The following KAZN variants were observed in gnomAD, a reference collection of about 807,000 sequenced individuals.
The protein encoded by KAZN is kazrin, periplakin interacting protein.
Under a neutral mutation model 87.4 loss-of-function variants are expected in KAZN, and 40 were observed. That is an observed-to-expected ratio of 0.46 (90% CI 0.36 to 0.60). The LOEUF (loss-of-function observed/expected upper bound fraction) is 0.60. Among genes scored for constraint, KAZN ranks in the 20% least tolerant of loss-of-function variants. The pLI is 0.00. For missense variants in KAZN, 898 were observed against 1,073.9 expected (o/e 0.84, Z 2.29); for synonymous variants, 466 against 458.3 (o/e 1.02, Z -0.22).
intron 1 of KAZN, among the ~76,000 whole-genome samples, chr1:14,752,992 A>G (rs1334289150): frequency 2.0e-5 from 3 of 152,180 alleles, no homozygotes; most frequent in Non-Finnish European, 4.4e-5. Flanking sequence ...ATCTCAATGC[A>G]CTTTGTAGAA....
chr1:14,523,752 A>G (rs144038172), intron 2 of KAZN, among the ~76,000 whole-genome samples: 8 of 152,352 alleles, frequency 5.3e-5, no homozygotes, highest in African/African-American at 1.9e-4. Flanking sequence ...CCGATGGTAC[A>G]TGAAGCTAAT....
rs947635247 is a variant in KAZN, at chr1:14,995,755, G to A, written c.418+34880G>A. Among the ~76,000 whole-genome samples, 9 of 152,170 alleles carry A rather than the reference G, an allele frequency of 5.9e-5. No homozygotes were observed. In the East Asian group the frequency reaches 7.7e-4, roughly 13 times the overall value. On this transcript the variant is annotated intron_variant, in intron 2 of 14. Coordinates refer to ENST00000376030, the MANE Select transcript of KAZN (RefSeq NM_201628.3). ...TGGACTCTTCCAAAATGCCCCTTTC[G>A]GGAAGCTCTCTCCTGCCCAGCCCAG...
intron 1 of KAZN, among the ~76,000 whole-genome samples, chr1:14,880,418 G>A (rs142496378): frequency 2.6e-5 from 4 of 152,324 alleles, no homozygotes; most frequent in African/African-American, 9.6e-5. Flanking sequence ...AGGTACCGCA[G>A]TGGCTTAATA....
intron 3 of KAZN, among the ~76,000 whole-genome samples, chr1:15,043,302 C>T (rs750513528): frequency 6.6e-6 from 1 of 152,212 alleles, no homozygotes; most frequent in African/African-American, 2.4e-5. Context: ...CCCAGAACAA[C>T]TATTGCACCC....
intron 5 of KAZN, among the ~76,000 whole-genome samples, chr1:15,058,172 A>G (rs961705592): frequency 1.3e-5 from 2 of 152,232 alleles, no homozygotes; most frequent in Non-Finnish European, 1.5e-5. Context: ...CCATCTGTCC[A>G]GTGCCTGGCA....
rs991098135 is a variant in KAZN, at chr1:15,021,556, A to C, written c.419-13193A>C. Among the ~76,000 whole-genome samples the C allele has an allele frequency of 7.9e-5, 12 of 152,112 alleles. No homozygotes were observed. The highest frequency in any genetic ancestry group is 2.9e-4 in the African/African-American group (12 of 41,424). ...CTGTCTCCCTCGGGGAGGAGCAGGCAGTGGGGGCCTGCTTCCCGGGGCCCT... is the reference window on the plus strand; with the variant it reads ...CTGTCTCCCTCGGGGAGGAGCAGGCCGTGGGGGCCTGCTTCCCGGGGCCCT... On this transcript the variant is annotated intron_variant, in intron 2 of 14. Coordinates refer to ENST00000376030, the MANE Select transcript of KAZN (RefSeq NM_201628.3). The surrounding 1 kb of genome is among the most constrained non-coding windows in gnomAD (Gnocchi z 4.2).
chr1:14,941,589 T>A (rs895051569), intron 1 of KAZN, among the ~76,000 whole-genome samples: 64 of 152,244 alleles, frequency 4.2e-4, no homozygotes, highest in Non-Finnish European at 7.2e-4. Context: ...CGGTTTTTTT[T>A]ACCCTGCTTC....
chr1:14,049,339 A>G (rs1642211813), intron 1 of KAZN, among the ~76,000 whole-genome samples: 1 of 152,146 alleles, frequency 6.6e-6, no homozygotes, highest in African/African-American at 2.4e-5. Context: ...GCGGGGAGGG[A>G]TAGCATTAGG....
chr1:14,776,933 C>CA (rs56275592), intron 1 of KAZN, among the ~76,000 whole-genome samples: 9,534 of 112,790 alleles, frequency 0.085, 498 homozygotes, highest in African/African-American at 0.16. Flanking sequence ...TACCCTGTCT[C>CA]AAAAAAAAAA....
intron 1 of KAZN, among the ~76,000 whole-genome samples, chr1:14,853,884 C>T (rs138227829): frequency 1.1e-3 from 173 of 152,250 alleles, no homozygotes; most frequent in African/African-American, 4.0e-3. Context: ...CTGTGGACCA[C>T]CCTTGGGCAA....
chr1:14,212,181 G>T (rs1052060681), intron 2 of KAZN, among the ~76,000 whole-genome samples: 2 of 152,054 alleles, frequency 1.3e-5, no homozygotes, highest in African/African-American at 4.8e-5. Flanking sequence ...CCAGTGCCTG[G>T]CACGGGTTAT....
At chr1:14,822,033 CTGTT>C (rs931122707) in intron 1 of KAZN, among the ~76,000 whole-genome samples, 6 of 152,164 alleles carry the variant, frequency 3.9e-5, no homozygotes, top group African/African-American at 1.2e-4. Context: ...AAGAAAGCCT[CTGTT>C]TGTTTGTTTG....
chr1:14,903,984 G>C (rs1475411834), intron 1 of KAZN, among the ~76,000 whole-genome samples: 1 of 152,158 alleles, frequency 6.6e-6, no homozygotes, highest in Non-Finnish European at 1.5e-5. Flanking sequence ...ATCTCCCCTT[G>C]CTTCCAGTGC....
intron 2 of KAZN, among the ~76,000 whole-genome samples, chr1:15,011,014 A>C (rs1401206418): frequency 1.3e-5 from 2 of 152,240 alleles, no homozygotes; most frequent in African/African-American, 4.8e-5. Flanking sequence ...TTCATGCTTA[A>C]ATAGGCTCAA....
In KAZN at chr1:14,294,914, T is replaced by C. The variant is rs372662204; in HGVS notation, c.249+114322T>C. 4.2e-3 allele frequency among the ~76,000 whole-genome samples: 636 copies of C among 151,376 alleles called. 4 individuals are homozygous for C. The highest frequency in any genetic ancestry group is 0.014 in the African/African-American group (573 of 41,256). On this transcript the variant is annotated intron_variant, in intron 2 of 16. Coordinates refer to the KAZN transcript ENST00000636203. ...CTCATTCAGATCTTTTTTTTTTTTT[T>C]CAGCAGCTATGGACACAGAGGTCCC...
At chr1:14,799,875 C>T (rs1645953052) in intron 1 of KAZN, among the ~76,000 whole-genome samples, 2 of 152,140 alleles carry the variant, frequency 1.3e-5, no homozygotes, top group Non-Finnish European at 2.9e-5. Context: ...AATTCCTCTC[C>T]TTGAGTTCAT....
At chr1:14,526,244 C>T (rs1671857903) in intron 2 of KAZN, among the ~76,000 whole-genome samples, 1 of 152,134 alleles carries the variant, frequency 6.6e-6, no homozygotes, top group Non-Finnish European at 1.5e-5. Context: ...ATTTTTGCCT[C>T]TACATAAGAG....
intron 1 of KAZN, among the ~76,000 whole-genome samples, chr1:14,841,405 C>CAAAAAAAAAAAAAA (rs57248871): frequency 2.3e-5 from 2 of 88,880 alleles, no homozygotes; most frequent in African/African-American, 4.4e-5. Flanking sequence ...GACTCCGTCT[C>CAAAAAAAAAAAAAA]AAAAAAAAAA....
At chr1:14,315,551 T>C (rs1301543704) in intron 2 of KAZN, among the ~76,000 whole-genome samples, 1 of 152,104 alleles carries the variant, frequency 6.6e-6, no homozygotes, top group African/African-American at 2.4e-5. Flanking sequence ...CCTTTGTTTA[T>C]AGCCAGCCTC....
Sources: allele counts gnomAD v4.1 joint callset (sites outside exome capture counted in the v4.1 genomes callset), GRCh38; gene constraint gnomAD v4.1.1; non-coding constraint Gnocchi (gnomAD v3.1); transcripts MANE v1.5; gene names NCBI Gene and HGNC (gene_info 2026-07-23, HGNC 2026-07-21).